The following NOTCH2 variants were observed in gnomAD, a reference collection of about 807,000 sequenced individuals.
The protein encoded by NOTCH2 is neurogenic locus notch homolog protein 2.
NOTCH2 carries 29 observed loss-of-function variants against 235.8 expected under a neutral mutation model. That is an observed-to-expected ratio of 0.12 (90% CI 0.09 to 0.17). NOTCH2 has a LOEUF of 0.17. Ranked by LOEUF, NOTCH2 falls within the 10% of genes least tolerant of loss-of-function variation. NOTCH2 has a pLI of 1.00. For synonymous variants in NOTCH2, 1,086 were observed against 1,141.5 expected (o/e 0.95, Z 0.98); for missense variants, 2,285 against 3,150.2 (o/e 0.73, Z 6.57).
At chr1:119,963,255 A>G (rs1651012455) in intron 11 of NOTCH2, among the ~76,000 whole-genome samples, 2 of 152,122 alleles carry the variant, frequency 1.3e-5, no homozygotes, top group African/African-American at 4.8e-5. Flanking sequence ...AAAGAAAAAA[A>G]GATAATATAG....
intron 1 of NOTCH2, among the ~76,000 whole-genome samples, chr1:120,065,138 G>T (rs1553216845): frequency 6.6e-6 from 1 of 152,156 alleles, no homozygotes; most frequent in Non-Finnish European, 1.5e-5. Context: ...CACACACAAA[G>T]AAATTCAAAA....
At chr1:119,925,166 T>C (rs1570663584) in intron 25 of NOTCH2, 139 bp downstream of exon 25, 3 of 1,015,560 alleles carry the variant, frequency 3.0e-6, no homozygotes, top group East Asian at 4.7e-5. Context: ...CAGGGCAGTG[T>C]GCGATGGGAC....
chr1:119,922,783 G>A lies in NOTCH2; in HGVS notation c.4860-5C>T, dbSNP rs1649332233. ...ATTTCCAGAAAGACTTTAGAGCTGT[G>A]GGATGCCAAGGGAGAAGCGGAGGAG... On this transcript the variant is annotated splice_region_variant and splice_polypyrimidine_tract_variant and intron_variant, in intron 26 of 33. Coordinates refer to ENST00000256646, the MANE Select transcript of NOTCH2 (RefSeq NM_024408.4). The A allele has an allele frequency of 6.2e-7, 1 of 1,614,062 alleles. No individual in the cohort carries two copies. Among genetic ancestry groups the A allele is most frequent in the African/African-American group, 1.3e-5 (1 of 75,030 alleles).
rs1553206072 is a variant in NOTCH2 at position 120,005,109 on chromosome 1, G to A, written c.415+220C>T. On this transcript the variant is annotated intron_variant, in intron 3 of 33. Transcript: ENST00000256646. The stretch of plus-strand genomic sequence containing the variant: ...GGCCCTGACATATATACTTTAAGCA[G>A]TCAAAGTATTTGGTACTTTTTCTTT... 25 of 755,684 alleles carry A rather than the reference G, an allele frequency of 3.3e-5. No homozygotes were observed. The East Asian group carries it at 6.2e-4, about 19-fold the overall frequency. 46.8% of individuals were successfully genotyped at this position (755,684 alleles called of 1,614,324 possible).
intron 5 of NOTCH2, among the ~76,000 whole-genome samples, chr1:119,980,054 T>C (rs587701191): frequency 8.3e-4 from 126 of 152,322 alleles, no homozygotes; most frequent in African/African-American, 2.9e-3. Flanking sequence ...TTTCCTCTCC[T>C]GTCTCGCATG....
intron 5 of NOTCH2, among the ~76,000 whole-genome samples, chr1:119,982,278 C>G (rs1651841711): frequency 6.6e-6 from 1 of 152,168 alleles, no homozygotes; most frequent in African/African-American, 2.4e-5. Flanking sequence ...TTCACTTCTG[C>G]TTCATGTCCC....
chr1:119,917,588 G>A, intron 33 of NOTCH2, 77 bp downstream of exon 33: 1 of 969,296 alleles, frequency 1.0e-6, no homozygotes, highest in Non-Finnish European at 1.7e-6. Flanking sequence ...AAGAGAAGCT[G>A]TAAGGAGAAA....
chr1:120,008,804 A>G (rs1363156620), intron 2 of NOTCH2, among the ~76,000 whole-genome samples: 2 of 152,242 alleles, frequency 1.3e-5, no homozygotes, highest in South Asian at 2.1e-4. Flanking sequence ...ATTATGTGCC[A>G]GGCATTTTTC....
intron 11 of NOTCH2, 67 bp from the exon 12 acceptor site, chr1:119,959,569 G>A (rs1650858592): frequency 2.3e-6 from 2 of 877,536 alleles, no homozygotes; most frequent in Non-Finnish European, 3.9e-6. Flanking sequence ...TTCTGCTTGT[G>A]ATGCAGCAAC....
In NOTCH2 at chr1:119,940,719, T is replaced by G. The variant is rs1650035483; in HGVS notation, c.3019A>C (p.Asn1007His). The change falls in exon 19 of 34, where the codon AAC (asparagine) becomes CAC (histidine). Residue 1007 changes from asparagine (N) to histidine (H), a missense_variant. Asn to His is a moderately conservative substitution (Grantham distance 68). Coordinates refer to ENST00000256646, the MANE Select transcript of NOTCH2 (RefSeq NM_024408.4). ...ACAGGGCACAAGCAAGAGAAGGAGT[T>G]AATCCCATCAACACATGTGCCACCA... ...FNGGTCVDGI[N>H]SFSCLCPVGF... The G allele has an allele frequency of 4.3e-6, 7 of 1,614,134 alleles. No individual in the cohort carries two copies. Among genetic ancestry groups the G allele is most frequent in the Non-Finnish European group, 5.9e-6 (7 of 1,180,014 alleles).
chr1:119,984,472 G>T (rs1651936205), intron 5 of NOTCH2, among the ~76,000 whole-genome samples: 2 of 152,260 alleles, frequency 1.3e-5, no homozygotes, highest in East Asian at 1.9e-4. Flanking sequence ...ATAAAACATT[G>T]TAATTAGCAC....
chr1:119,923,424 G>A (rs1394174974), intron 26 of NOTCH2, among the ~76,000 whole-genome samples: 1 of 152,182 alleles, frequency 6.6e-6, no homozygotes, highest in African/African-American at 2.4e-5. Flanking sequence ...CAGACATTCT[G>A]CCTCCTGTGT....
chr1:120,010,294 A>G (rs1477831680), intron 2 of NOTCH2, among the ~76,000 whole-genome samples: 1 of 152,198 alleles, frequency 6.6e-6, no homozygotes, highest in African/African-American at 2.4e-5. Context: ...CATCCTTGGA[A>G]TAACAGAACC....
chr1:119,920,774 A>G (rs1004669767), intron 29 of NOTCH2, among the ~76,000 whole-genome samples: 10 of 152,346 alleles, frequency 6.6e-5, no homozygotes, highest in African/African-American at 1.9e-4. Context: ...AAATGCTTAC[A>G]CAGCACTACA....
At chr1:119,965,689 T>A in intron 9 of NOTCH2, 123 bp from the exon 10 acceptor site, 1 of 785,052 alleles carries the variant, frequency 1.3e-6, no homozygotes. Context: ...TGCTTTATTA[T>A]TCTCCCCAAC....
At chr1:119,953,734 A>C in intron 13 of NOTCH2, 46 bp from the exon 14 acceptor site, 3 of 1,544,814 alleles carry the variant, frequency 1.9e-6, no homozygotes, top group Non-Finnish European at 2.7e-6. Flanking sequence ...TAAACGTATG[A>C]TTGAGTCATA....
intron 3 of NOTCH2, among the ~76,000 whole-genome samples, chr1:120,005,064 A>G (rs1480860723): frequency 6.6e-6 from 1 of 152,230 alleles, no homozygotes; most frequent in Non-Finnish European, 1.5e-5. Context: ...CTGGGATTGC[A>G]AGCGTGCACC....
At chr1:120,001,271 T>C (rs1238457971) in intron 3 of NOTCH2, among the ~76,000 whole-genome samples, 53 of 152,034 alleles carry the variant, frequency 3.5e-4, no homozygotes, top group African/African-American at 1.3e-3. Context: ...TTTGCCAGAG[T>C]GCCAACTATC....
intron 3 of NOTCH2, among the ~76,000 whole-genome samples, chr1:120,003,149 G>C (rs1230774275): frequency 3.3e-5 from 5 of 152,076 alleles, no homozygotes; most frequent in Non-Finnish European, 5.9e-5. Flanking sequence ...ATATAAAGCA[G>C]GCAGAAAAAC....
Sources: allele counts gnomAD v4.1 joint callset (sites outside exome capture counted in the v4.1 genomes callset), GRCh38; gene constraint gnomAD v4.1.1; transcripts MANE v1.5; gene names NCBI Gene and HGNC (gene_info 2026-07-23, HGNC 2026-07-21).